The following PDE7B variants were observed in gnomAD, a reference collection of about 807,000 sequenced individuals.
PDE7B encodes phosphodiesterase 7B, also known as 3',5'-cyclic-AMP phosphodiesterase 7B.
Under a neutral mutation model 56.2 loss-of-function variants are expected in PDE7B, and 29 were observed. That is an observed-to-expected ratio of 0.52 (90% CI 0.38 to 0.70). The LOEUF (loss-of-function observed/expected upper bound fraction) is 0.70. PDE7B is among the 30% of genes least tolerant of loss of function. The pLI, the probability that PDE7B is intolerant of heterozygous loss-of-function variation, is 0.00. For missense variants in PDE7B, 490 were observed against 565.0 expected, an observed-to-expected ratio of 0.87 and a Z score of 1.35; for synonymous variants, 197 against 196.9, an observed-to-expected ratio of 1.00 and a Z score of 0.00.
chr6:136,133,253 TAAAAC>T (rs1038995367), intron 3 of PDE7B, among the ~76,000 whole-genome samples: 9 of 149,602 alleles, frequency 6.0e-5, no homozygotes, highest in Non-Finnish European at 1.2e-4. Flanking sequence ...TTAATAATAA[TAAAAC>T]AAGAAGGGGC....
chr6:136,026,190 A>C (rs1776147456), intron 2 of PDE7B, among the ~76,000 whole-genome samples: 1 of 152,224 alleles, frequency 6.6e-6, no homozygotes. Context: ...TTAGTGGTTT[A>C]GCATCTGATT....
At chr6:136,051,083 T>A (rs1263273794) in intron 2 of PDE7B, among the ~76,000 whole-genome samples, 2 of 151,792 alleles carry the variant, frequency 1.3e-5, no homozygotes. Context: ...CTCTGAACCA[T>A]TGCAGAAATT....
intron 3 of PDE7B, among the ~76,000 whole-genome samples, chr6:136,117,705 C>T (rs568900123): frequency 6.6e-6 from 1 of 152,304 alleles, no homozygotes; most frequent in East Asian, 1.9e-4. Flanking sequence ...ACCCCAGGCA[C>T]AGGATGTACA....
At chr6:135,921,679 A>G (rs745884133) in intron 1 of PDE7B, among the ~76,000 whole-genome samples, 2 of 152,172 alleles carry the variant, frequency 1.3e-5, no homozygotes, top group African/African-American at 2.4e-5. Flanking sequence ...AATAGAATAT[A>G]TCTCCTAATT....
At chr6:136,011,399 T>C (rs1280172817) in intron 2 of PDE7B, among the ~76,000 whole-genome samples, 1 of 152,212 alleles carries the variant, frequency 6.6e-6, no homozygotes, top group Non-Finnish European at 1.5e-5. Flanking sequence ...AGCCCATTTA[T>C]CATTATTTGA....
intron 1 of PDE7B, among the ~76,000 whole-genome samples, chr6:135,854,324 C>T (rs180881229): frequency 1.3e-5 from 2 of 152,250 alleles, no homozygotes; most frequent in East Asian, 3.9e-4. Context: ...ATTTAAGGAT[C>T]AGAACAGACT....
intron 1 of PDE7B, among the ~76,000 whole-genome samples, chr6:135,921,589 A>C (rs576393118): frequency 3.5e-4 from 54 of 152,252 alleles, no homozygotes; most frequent in African/African-American, 1.3e-3. Context: ...TTTCAAGGAA[A>C]ACTACTTCAG....
chr6:135,888,819 A>G (rs867704099), intron 1 of PDE7B, among the ~76,000 whole-genome samples: 33 of 152,136 alleles, frequency 2.2e-4, no homozygotes, highest in Middle Eastern at 3.2e-3. Flanking sequence ...CTAATTATAT[A>G]ATTCTGGTGT....
At chr6:135,904,042 T>C (rs1776053414) in intron 1 of PDE7B, among the ~76,000 whole-genome samples, 1 of 152,220 alleles carries the variant, frequency 6.6e-6, no homozygotes. Flanking sequence ...AGAGGCAGTT[T>C]GGATTTAAAT....
chr6:136,052,209 G>A (rs1313207882), intron 2 of PDE7B, among the ~76,000 whole-genome samples: 1 of 152,130 alleles, frequency 6.6e-6, no homozygotes, highest in African/African-American at 2.4e-5. Context: ...AAAAGTAGGA[G>A]GAAAGAGAAG....
intron 2 of PDE7B, among the ~76,000 whole-genome samples, chr6:136,101,041 G>C (rs2128217169): frequency 1.3e-5 from 2 of 152,270 alleles, no homozygotes; most frequent in South Asian, 4.1e-4. Flanking sequence ...TTTGTTGTTG[G>C]TTCTGTTGAT....
rs951214618 is a variant in PDE7B at position 136,191,841 on chromosome 6, G to T, written c.*1G>T. The stretch of plus-strand genomic sequence containing the variant: ...GGAGCAGGAAGGCGACAGCCCCTAG[G>T]GGCCGGCCCAACTTAGACGCGGCTC... On this transcript the variant is annotated 3_prime_UTR_variant, in exon 13 of 13. Coordinates refer to ENST00000308191, the MANE Select transcript of PDE7B (RefSeq NM_018945.4). 5.8e-6 allele frequency: 9 copies of T among 1,548,740 alleles called. No homozygotes were observed. In the South Asian group the frequency reaches 1.1e-4, roughly 18 times the overall value.
intron 3 of PDE7B, among the ~76,000 whole-genome samples, chr6:136,127,784 A>C (rs987540298): frequency 6.6e-6 from 1 of 152,186 alleles, no homozygotes; most frequent in Non-Finnish European, 1.5e-5. Context: ...TTCTTGGCAT[A>C]ATGTTGAGGG....
At chr6:136,075,746 C>CA (rs1002607133) in intron 2 of PDE7B, among the ~76,000 whole-genome samples, 4 of 152,154 alleles carry the variant, frequency 2.6e-5, no homozygotes, top group Non-Finnish European at 4.4e-5. Context: ...AAAGGGTACT[C>CA]ACTGCTAAGA....
chr6:135,854,602 A>G (rs888207208), intron 1 of PDE7B, among the ~76,000 whole-genome samples: 2 of 152,116 alleles, frequency 1.3e-5, no homozygotes, highest in East Asian at 1.9e-4. Flanking sequence ...TCTAATCTCT[A>G]TTGACACCTC....
intron 8 of PDE7B, among the ~76,000 whole-genome samples, chr6:136,160,592 C>G (rs1320406256): frequency 6.6e-6 from 1 of 152,150 alleles, no homozygotes; most frequent in African/African-American, 2.4e-5. Flanking sequence ...CTGGTTTCAG[C>G]CCTTTTTCCA....
intron 2 of PDE7B, among the ~76,000 whole-genome samples, chr6:136,068,440 T>C (rs1478658207): frequency 7.0e-6 from 1 of 143,544 alleles, no homozygotes; most frequent in African/African-American, 2.6e-5. Flanking sequence ...TTTTTTTTTT[T>C]TTTTTTTTGA....
Position 136,108,749 on chromosome 6 carries a change from G to A in PDE7B, c.101G>A (p.Gly34Asp), listed in dbSNP as rs1252621367. Residue 34 changes from glycine to aspartate, a missense_variant, in exon 3 of 13, where the codon GGT becomes GAT. Physicochemically the swap from Gly to Asp is moderately conservative, Grantham distance 94. Transcript: ENST00000308191. ...TTTCTAGGAGATATACGACTAAGGG[G>A]TCAGACGGGGGTTCGTGCTGAACGC... is the stretch of plus-strand genomic sequence containing the variant. ...VCMLGDIRLR[G>D]QTGVRAERRG... 1 of 1,610,244 alleles carries A rather than the reference G, an allele frequency of 6.2e-7. No individual in the cohort carries two copies. The highest frequency in any genetic ancestry group is 2.2e-5 in the East Asian group (1 of 44,836).
intron 1 of PDE7B, among the ~76,000 whole-genome samples, chr6:135,919,504 T>C (rs1233835043): frequency 6.6e-6 from 1 of 152,232 alleles, no homozygotes; most frequent in Non-Finnish European, 1.5e-5. Context: ...CAACCACATA[T>C]AGATTTTCTC....
Sources: allele counts gnomAD v4.1 joint callset (sites outside exome capture counted in the v4.1 genomes callset), GRCh38; gene constraint gnomAD v4.1.1; transcripts MANE v1.5; gene names NCBI Gene and HGNC (gene_info 2026-07-23, HGNC 2026-07-21).